IQCM: variants seen among roughly 807,000 people sequenced by gnomAD.
IQCM encodes IQ motif containing M.
Under a neutral mutation model 57.6 loss-of-function variants are expected in IQCM, and 45 were observed. The ratio of observed to expected loss-of-function variants is 0.78; its 90% CI spans 0.62 to 1.00. The LOEUF (loss-of-function observed/expected upper bound fraction) is 1.00, where lower values mean the gene tolerates loss of function less well. IQCM is among the 50% of genes least tolerant of loss of function. IQCM has a pLI of 0.00. For missense variants in IQCM, 468 were observed against 511.6 expected, an observed-to-expected ratio of 0.91 and a Z score of 0.82; for synonymous variants, 148 against 158.9, an observed-to-expected ratio of 0.93 and a Z score of 0.51.
intron 7 of IQCM, among the ~76,000 whole-genome samples, chr4:149,671,669 T>C (rs2150179683): frequency 6.6e-6 from 1 of 152,312 alleles, no homozygotes; most frequent in South Asian, 2.1e-4. Context: ...GAGATTCTGG[T>C]ATGTTGTGTC....
chr4:149,355,789 T>C (rs1357806937), intron 13 of IQCM, among the ~76,000 whole-genome samples: 2 of 152,104 alleles, frequency 1.3e-5, no homozygotes, highest in African/African-American at 4.8e-5. Flanking sequence ...AAATGGTATT[T>C]CTAGTTCTAG....
intron 2 of IQCM, among the ~76,000 whole-genome samples, chr4:149,750,224 G>A (rs1363149620): frequency 1.3e-5 from 2 of 152,004 alleles, no homozygotes; most frequent in Non-Finnish European, 2.9e-5. Flanking sequence ...CAAAGTGAAC[G>A]GTAATGAAAC....
At chr4:149,742,140 G>A (rs1767516260) in intron 3 of IQCM, among the ~76,000 whole-genome samples, 1 of 151,918 alleles carries the variant, frequency 6.6e-6, no homozygotes, top group African/African-American at 2.4e-5. Flanking sequence ...TATTTAAAAT[G>A]AATTAGATAT....
At chr4:149,614,796 A>G (rs1246664759) in intron 8 of IQCM, among the ~76,000 whole-genome samples, 1 of 152,212 alleles carries the variant, frequency 6.6e-6, no homozygotes, top group Non-Finnish European at 1.5e-5. Flanking sequence ...GACCTCATTT[A>G]AAGCCATCCT....
intron 13 of IQCM, among the ~76,000 whole-genome samples, chr4:149,427,589 C>T (rs1247604351): frequency 1.3e-5 from 2 of 151,914 alleles, no homozygotes; most frequent in Non-Finnish European, 2.9e-5. Flanking sequence ...ATTCATCACC[C>T]TAATACATTT....
intron 2 of IQCM, among the ~76,000 whole-genome samples, chr4:149,765,043 AT>A (rs748166144): frequency 2.5e-4 from 38 of 152,144 alleles, no homozygotes; most frequent in Non-Finnish European, 4.3e-4. Flanking sequence ...ATAGAAAAAA[AT>A]GTTTCTTCCA....
intron 9 of IQCM, among the ~76,000 whole-genome samples, chr4:149,577,122 T>C (rs1196176961): frequency 6.6e-6 from 1 of 152,044 alleles, no homozygotes; most frequent in African/African-American, 2.4e-5. Context: ...TTATAGATTC[T>C]GGATATTAGA....
At chr4:149,599,669 A>G (rs1292931391) in intron 8 of IQCM, among the ~76,000 whole-genome samples, 1 of 152,176 alleles carries the variant, frequency 6.6e-6, no homozygotes, top group Non-Finnish European at 1.5e-5. Context: ...CTGTGGTAAT[A>G]CGTTTGGCAG....
intron 5 of IQCM, among the ~76,000 whole-genome samples, chr4:149,688,664 G>C (rs965272788): frequency 5.0e-4 from 76 of 151,988 alleles, no homozygotes; most frequent in African/African-American, 1.8e-3. Context: ...TAAGCAAAAA[G>C]AACAAATCTG....
Position 149,524,698 on chromosome 4 carries a change from A to T in IQCM, c.1228+23757T>A, listed in dbSNP as rs1050270574. ...TACAAAAGAAAACAGAAAATAAAAGAGTGTAAATTCAAATCCTAGTGGTTT... is the reference window on the plus strand; with the variant it reads ...TACAAAAGAAAACAGAAAATAAAAGTGTGTAAATTCAAATCCTAGTGGTTT... On this transcript the variant is annotated intron_variant, in intron 12 of 13. Transcript: ENST00000636793. Among the ~76,000 whole-genome samples the T allele has an allele frequency of 2.5e-4, 38 of 152,014 alleles. 1 individual carries two copies. Among genetic ancestry groups the T allele is most frequent in the Middle Eastern group, 3.4e-3 (1 of 292 alleles).
chr4:149,747,764 T>G (rs1008903827), intron 2 of IQCM, among the ~76,000 whole-genome samples: 3 of 152,234 alleles, frequency 2.0e-5, no homozygotes, highest in African/African-American at 7.2e-5. Flanking sequence ...CATGGAACAG[T>G]GGCAAGCCCA....
At chr4:149,646,743 G>A (rs1312684207) in intron 7 of IQCM, among the ~76,000 whole-genome samples, 2 of 152,150 alleles carry the variant, frequency 1.3e-5, no homozygotes, top group Non-Finnish European at 2.9e-5. Flanking sequence ...CAGCGCTTTG[G>A]GAGGCTGAGG....
At chr4:149,358,939 C>A (rs746970425) in intron 13 of IQCM, among the ~76,000 whole-genome samples, 4 of 84,840 alleles carry the variant, frequency 4.7e-5, no homozygotes, top group Non-Finnish European at 8.1e-5. Flanking sequence ...GAGAGAGACA[C>A]GGGTTGAGGG....
intron 13 of IQCM, among the ~76,000 whole-genome samples, chr4:149,405,350 A>C (rs1560808461): frequency 6.6e-6 from 1 of 151,674 alleles, no homozygotes; most frequent in South Asian, 2.1e-4. Context: ...AGCTCCCAAG[A>C]CATTAGAGAT....
At chr4:149,811,243 GA>G (rs1561300006) in intron 2 of IQCM, among the ~76,000 whole-genome samples, 5 of 152,194 alleles carry the variant, frequency 3.3e-5, no homozygotes, top group African/African-American at 1.2e-4. Context: ...ATCTTTGATA[GA>G]AATCTGGTGA....
At chr4:149,734,235 G>T (rs551772946) in intron 4 of IQCM, among the ~76,000 whole-genome samples, 2 of 152,230 alleles carry the variant, frequency 1.3e-5, no homozygotes, top group South Asian at 4.1e-4. Flanking sequence ...CAATAAGGAG[G>T]TTTTAGTGTG....
At chr4:149,494,862 TC>T (rs1210708113) in intron 12 of IQCM, among the ~76,000 whole-genome samples, 1 of 152,078 alleles carries the variant, frequency 6.6e-6, no homozygotes, top group African/African-American at 2.4e-5. Flanking sequence ...AATATCGTGA[TC>T]TGACTTATGT....
chr4:149,448,318 G>A (rs933440271), intron 12 of IQCM, among the ~76,000 whole-genome samples: 1 of 151,498 alleles, frequency 6.6e-6, no homozygotes, highest in African/African-American at 2.4e-5. Flanking sequence ...AAACAGTAAT[G>A]AAAACATAAA....
chr4:149,371,333 C>T (rs111268524), intron 13 of IQCM, among the ~76,000 whole-genome samples: 12 of 152,296 alleles, frequency 7.9e-5, no homozygotes, highest in African/African-American at 2.9e-4. Flanking sequence ...GACCCACTGC[C>T]ACACTGGAAA....
Sources: gnomAD v4.1 joint callset for allele counts (sites outside exome capture counted in the v4.1 genomes callset) on GRCh38, gnomAD v4.1.1 for gene constraint, MANE v1.5 for transcripts, NCBI Gene and HGNC (gene_info 2026-07-23, HGNC 2026-07-21) for gene names.